The following PPP1R1C variants were observed in gnomAD, a reference collection of about 807,000 sequenced individuals.
PPP1R1C encodes protein phosphatase 1 regulatory inhibitor subunit 1C.
A neutral mutation model predicts 17.4 loss-of-function variants in PPP1R1C; 15 were observed. The ratio of observed to expected loss-of-function variants is 0.86; its 90% CI spans 0.58 to 1.33. The LOEUF (loss-of-function observed/expected upper bound fraction) is 1.33. PPP1R1C is among the 40% of genes most tolerant of loss of function. The pLI is 0.00. For missense variants in PPP1R1C, 143 were observed against 130.0 expected (o/e 1.10, Z -0.48); for synonymous variants, 35 against 43.1 (o/e 0.81, Z 0.73).
chr2:182,003,799 T>C (rs1382742021), intron 2 of PPP1R1C, among the ~76,000 whole-genome samples: 1 of 151,994 alleles, frequency 6.6e-6, no homozygotes, highest in Non-Finnish European at 1.5e-5. Flanking sequence ...CCTCCCAAGC[T>C]CCCACTAAAA....
intron 2 of PPP1R1C, among the ~76,000 whole-genome samples, chr2:181,992,360 A>T (rs1685497545): frequency 7.4e-6 from 1 of 134,916 alleles, no homozygotes; most frequent in South Asian, 2.5e-4. Context: ...TTTTATTCTC[A>T]ATCTCCCTAA....
At chr2:182,086,490 G>A (rs1030696224) in intron 4 of PPP1R1C, among the ~76,000 whole-genome samples, 8 of 152,098 alleles carry the variant, frequency 5.3e-5, no homozygotes, top group African/African-American at 1.7e-4. Context: ...GTGACCTCTT[G>A]TTATAGGATT....
intron 4 of PPP1R1C, among the ~76,000 whole-genome samples, chr2:182,096,600 T>C (rs1483996115): frequency 2.0e-5 from 3 of 152,186 alleles, no homozygotes; most frequent in Non-Finnish European, 4.4e-5. Context: ...TCAGTGGTCC[T>C]TTTTCTTGTT....
intron 1 of PPP1R1C, among the ~76,000 whole-genome samples, chr2:181,959,641 G>A (rs1433737794): frequency 6.6e-6 from 1 of 152,050 alleles, no homozygotes; most frequent in Admixed American, 6.5e-5. Context: ...AGTCATTTTA[G>A]TGTCAGCTGA....
intron 2 of PPP1R1C, among the ~76,000 whole-genome samples, chr2:182,054,477 A>G (rs1687622001): frequency 6.6e-6 from 1 of 152,140 alleles, no homozygotes; most frequent in Non-Finnish European, 1.5e-5. Flanking sequence ...ATCCCTGGCA[A>G]CTACTAATCT....
rs190627273 is a variant in PPP1R1C at position 182,050,973 on chromosome 2, C to T, written c.143-10469C>T. Reference sequence around the variant, plus strand: ...TAAAAAGAGAATCAAACACATCCTGCCTTCAGACAAAAACAAAACAACAGC... The same window carrying T: ...TAAAAAGAGAATCAAACACATCCTGTCTTCAGACAAAAACAAAACAACAGC... On this transcript the variant is annotated intron_variant, in intron 2 of 4. Coordinates refer to ENST00000682840, the MANE Select transcript of PPP1R1C (RefSeq NM_001080545.3). Among the ~76,000 whole-genome samples, 14 of 152,234 alleles carry T rather than the reference C, an allele frequency of 9.2e-5. No homozygotes were observed. The East Asian group carries it at 2.7e-3, about 29-fold the overall frequency.
chr2:182,008,076 C>A (rs13432625), intron 2 of PPP1R1C, among the ~76,000 whole-genome samples: 2 of 48,222 alleles, frequency 4.1e-5, no homozygotes, highest in African/African-American at 1.1e-4. Flanking sequence ...TCAAAAAAAA[C>A]AAACAAATAA....
chr2:182,005,526 A>G (rs567193789), intron 2 of PPP1R1C, among the ~76,000 whole-genome samples: 1 of 152,304 alleles, frequency 6.6e-6, no homozygotes, highest in East Asian at 1.9e-4. Context: ...AGCATGTGTG[A>G]CTGAACAAGT....
chr2:181,956,668 G>GT (rs970978163), intron 1 of PPP1R1C, among the ~76,000 whole-genome samples: 36 of 152,076 alleles, frequency 2.4e-4, no homozygotes, highest in Non-Finnish European at 4.3e-4. Flanking sequence ...ATTTTTTCAT[G>GT]TTTTTTTGGC....
At chr2:182,016,691 C>A (rs1686270077) in intron 2 of PPP1R1C, among the ~76,000 whole-genome samples, 1 of 152,118 alleles carries the variant, frequency 6.6e-6, no homozygotes, top group Non-Finnish European at 1.5e-5. Context: ...GATTTCTAGT[C>A]TTTTCTAGCT....
intron 4 of PPP1R1C, among the ~76,000 whole-genome samples, chr2:182,089,457 G>A (rs1005277454): frequency 6.6e-6 from 1 of 152,098 alleles, no homozygotes; most frequent in Admixed American, 6.5e-5. Flanking sequence ...TTTCAAAGTT[G>A]GAAAAGCTGG....
intron 2 of PPP1R1C, among the ~76,000 whole-genome samples, chr2:182,025,215 A>ATTTC (rs888125319): frequency 4.1e-5 from 6 of 148,026 alleles, no homozygotes; most frequent in African/African-American, 1.5e-4. Context: ...TTATTTATTT[A>ATTTC]TTTTTATTAT....
At chr2:182,130,838 C>T (rs1002439636), downstream of PPP1R1C, 29 of 151,776 alleles carry the variant, frequency 1.9e-4, no homozygotes, top group African/African-American at 6.8e-4. Flanking sequence ...TTGAGAACAC[C>T]CAATAGTTTA....
At chr2:181,991,702 C>A (rs1248312531) in intron 2 of PPP1R1C, among the ~76,000 whole-genome samples, 2 of 152,104 alleles carry the variant, frequency 1.3e-5, no homozygotes, top group African/African-American at 4.8e-5. Context: ...ACATGAGTGA[C>A]CTTTGTAGCA....
chr2:182,058,598 G>A, intron 2 of PPP1R1C, among the ~76,000 whole-genome samples: 1 of 152,064 alleles, frequency 6.6e-6, no homozygotes, highest in Non-Finnish European at 1.5e-5. Flanking sequence ...ATGAGAAAAT[G>A]AGGAAGGCAG....
intron 2 of PPP1R1C, among the ~76,000 whole-genome samples, chr2:181,978,036 A>G (rs1685124667): frequency 6.6e-6 from 1 of 152,182 alleles, no homozygotes; most frequent in Non-Finnish European, 1.5e-5. Context: ...ATGGCTGGGG[A>G]GGCCTCACAA....
intron 5 of PPP1R1C, among the ~76,000 whole-genome samples, chr2:182,124,314 G>GTTTTTTTTTTTT (rs796745919): frequency 6.9e-4 from 29 of 42,042 alleles, no homozygotes; most frequent in Non-Finnish European, 1.2e-3. Context: ...GTTTTTTTTT[G>GTTTTTTTTTTTT]TTTTTTTTTT....
intron 2 of PPP1R1C, among the ~76,000 whole-genome samples, chr2:182,029,287 G>T (rs1686736385): frequency 6.6e-6 from 1 of 151,710 alleles, no homozygotes; most frequent in African/African-American, 2.4e-5. Flanking sequence ...CTCGTTAGTT[G>T]ATGCAGTTTC....
At chr2:182,071,095 T>C (rs1196172) in intron 4 of PPP1R1C, among the ~76,000 whole-genome samples, 89,156 of 152,010 alleles carry the variant, frequency 0.59, 26,359 homozygotes, top group Admixed American at 0.65. Flanking sequence ...CACAGATCCA[T>C]GCCTTATCAA....
Sources: allele counts gnomAD v4.1 joint callset (sites outside exome capture counted in the v4.1 genomes callset), GRCh38; gene constraint gnomAD v4.1.1; transcripts MANE v1.5; gene names NCBI Gene and HGNC (gene_info 2026-07-23, HGNC 2026-07-21).